Variants in ZNF620 observed in about 807,000 individuals in gnomAD.
The protein encoded by ZNF620 is zinc finger protein 620.
In ZNF620, 10 loss-of-function variants were observed where a neutral mutation model predicts 13.3. That is an observed-to-expected ratio of 0.75 (90% CI 0.46 to 1.28). ZNF620 has a LOEUF of 1.28. Among genes scored for constraint, ZNF620 ranks in the 50% most tolerant of loss-of-function variants. The pLI is 0.00. For missense variants in ZNF620, 461 were observed against 500.2 expected (o/e 0.92, Z 0.75); for synonymous variants, 166 against 177.6 (o/e 0.93, Z 0.52).
At chr3:40,513,958 G>A (rs1255880978) in intron 4 of ZNF620, among the ~76,000 whole-genome samples, 1 of 152,116 alleles carries the variant, frequency 6.6e-6, no homozygotes, top group Non-Finnish European at 1.5e-5. Flanking sequence ...CAGTGCCTGG[G>A]AGGGCACCCC....
At chr3:40,508,525 T>G in intron 2 of ZNF620, 1 of 246,492 alleles carries the variant, frequency 4.1e-6, no homozygotes, top group Non-Finnish European at 8.3e-6. Flanking sequence ...GAAAACATAC[T>G]TTGTATGACT....
chr3:40,506,163 T>G, intron 1 of ZNF620, 25 bp downstream of exon 1: 1 of 701,722 alleles, frequency 1.4e-6, no homozygotes, highest in Non-Finnish European at 2.5e-6. Context: ...TTCCTGGGGC[T>G]TGTTCTGCCT....
Position 40,516,612 on chromosome 3 carries a change from G to A in ZNF620, c.1018G>A (p.Glu340Lys). The change falls in exon 5 of 5, where the codon GAG becomes AAG. Residue 340 changes from glutamate (E) to lysine (K), a missense_variant. Glu to Lys is a moderately conservative substitution (Grantham distance 56). Transcript: ENST00000314529. ...HTGEKPYECK[E>K]CGKRLSSNTA... ...TGGGGAGAAACCTTATGAATGTAAAGAGTGTGGAAAACGATTAAGCTCCAA... is the reference window on the plus strand; with the variant it reads ...TGGGGAGAAACCTTATGAATGTAAAAAGTGTGGAAAACGATTAAGCTCCAA... The A allele has an allele frequency of 6.2e-7, 1 of 1,614,174 alleles. No individual in the cohort carries two copies. The highest frequency in any genetic ancestry group is 8.5e-7 in the Non-Finnish European group (1 of 1,179,986).
intron 4 of ZNF620, among the ~76,000 whole-genome samples, chr3:40,513,271 C>G (rs1326432397): frequency 2.1e-5 from 3 of 139,536 alleles, no homozygotes; most frequent in African/African-American, 8.2e-5. Flanking sequence ...TCAAGACCAG[C>G]TTGGCCAACA....
In ZNF620 at chr3:40,516,164, T is replaced by C. The variant is rs1698376101; in HGVS notation, c.570T>C (p.Pro190=). The change falls in exon 5 of 5, where the codon CCT becomes CCC. Residue 190 remains proline, a synonymous_variant. Coordinates refer to ENST00000314529, the MANE Select transcript of ZNF620 (RefSeq NM_175888.4). ...AACTCACTACAAATCAGACAAATCC[T>C]AGTGGTCAGATATCTTATGAATGTG... ...STQLTTNQTN[P]SGQISYECGQ... is the part of the protein sequence containing the mutation. 6.2e-7 allele frequency: 1 copy of C among 1,614,108 alleles called. No homozygotes were observed. The highest frequency in any genetic ancestry group is 2.2e-5 in the East Asian group (1 of 44,888).
At chr3:40,507,053 A>C (rs1336125635) in intron 2 of ZNF620, among the ~76,000 whole-genome samples, 1 of 147,640 alleles carries the variant, frequency 6.8e-6, no homozygotes, top group Non-Finnish European at 1.5e-5. Context: ...GGATTTTGAC[A>C]ATTGCTTTTT....
rs991128004 is a variant in ZNF620, at chr3:40,518,113, T to C, written c.*1250T>C. On this transcript the variant is annotated 3_prime_UTR_variant, in exon 5 of 5. Coordinates refer to ENST00000314529, the MANE Select transcript of ZNF620 (RefSeq NM_175888.4). ...AGCATTTTCTTGCAATTCCATCTAGTTATTTTTTATGATCATGGAAGAACC... is the reference window on the plus strand; with the variant it reads ...AGCATTTTCTTGCAATTCCATCTAGCTATTTTTTATGATCATGGAAGAACC... 4.6e-5 allele frequency: 7 copies of C among 152,376 alleles called. No individual in the cohort carries two copies. In the South Asian group the frequency reaches 1.2e-3, roughly 27 times the overall value. 9.4% of individuals were successfully genotyped at this position (152,376 alleles called of 1,614,324 possible).
In ZNF620 at chr3:40,516,770, T is replaced by A; in HGVS notation, c.1176T>A (p.Tyr392Ter). ...HQRVHTGEKP[Y>*]ECKVCGKTFS... The stretch of plus-strand genomic sequence containing the variant: ...GAGTTCACACTGGCGAGAAACCTTA[T>A]GAGTGTAAAGTGTGTGGTAAAACCT... Residue 392 changes from tyrosine to a stop codon, truncating the protein, a stop_gained, in exon 5 of 5, where the codon TAT (tyrosine) becomes TAA (stop). Transcript: ENST00000314529. LOFTEE classifies it low-confidence loss of function (END_TRUNC). 1 of 1,614,212 alleles carries A rather than the reference T, an allele frequency of 6.2e-7. No homozygotes were observed. The highest frequency in any genetic ancestry group is 8.5e-7 in the Non-Finnish European group (1 of 1,180,048).
Position 40,512,470 on chromosome 3 carries a change from C to T in ZNF620, c.220C>T (p.Pro74Ser). 1 of 1,614,184 alleles carries T rather than the reference C, an allele frequency of 6.2e-7. No individual in the cohort carries two copies. Reference sequence around the variant, plus strand: ...AGGGGAACTGCCATGGGGCCTCGATCCCTGGGAACCTATGGGCAGGGAGGC... The same window carrying T: ...AGGGGAACTGCCATGGGGCCTCGATTCCTGGGAACCTATGGGCAGGGAGGC... Reference protein sequence around the residue: ...EQGELPWGLDPWEPMGREALR... With the variant: ...EQGELPWGLDSWEPMGREALR... The change falls in exon 4 of 5, where the codon CCC (proline) becomes TCC (serine). Residue 74 changes from proline (P) to serine (S), a missense_variant. Physicochemically the swap from Pro to Ser is moderately conservative, Grantham distance 74. Transcript: ENST00000314529.
intron 4 of ZNF620, 68 bp from the exon 5 acceptor site, chr3:40,515,780 TTGTGTGTGTGTG>T (rs10550548): frequency 1.4e-3 from 1,325 of 940,488 alleles, no homozygotes; most frequent in South Asian, 8.8e-3. Flanking sequence ...AGCACAGATA[TTGTGTGTGTGTG>T]TGTGTGTGTG....
At chr3:40,513,316 A>AAAATATATATAT (rs1193351404) in intron 4 of ZNF620, among the ~76,000 whole-genome samples, 11 of 62,658 alleles carry the variant, frequency 1.8e-4, no homozygotes, top group East Asian at 1.4e-3. Context: ...AAAAAAAAAA[A>AAAATATATATAT]ATATATATAT....
At chr3:40,514,906 GT>G (rs1396868180) in intron 4 of ZNF620, among the ~76,000 whole-genome samples, 5 of 152,168 alleles carry the variant, frequency 3.3e-5, no homozygotes, top group African/African-American at 1.2e-4. Context: ...CAAGTCTTGA[GT>G]TTAAGTTGTA....
chr3:40,515,282 T>C (rs1698338311), intron 4 of ZNF620, among the ~76,000 whole-genome samples: 1 of 152,218 alleles, frequency 6.6e-6, no homozygotes, highest in Non-Finnish European at 1.5e-5. Context: ...GTGGTTGCCA[T>C]GCATGGCATC....
intron 3 of ZNF620, among the ~76,000 whole-genome samples, chr3:40,511,825 G>T: frequency 6.6e-6 from 1 of 152,044 alleles, no homozygotes; most frequent in Non-Finnish European, 1.5e-5. Flanking sequence ...GGGATTACAG[G>T]TGGGCGCCAC....
chr3:40,508,791 T>G (rs777173903), intron 2 of ZNF620: 16 of 456,440 alleles, frequency 3.5e-5, no homozygotes, highest in Middle Eastern at 6.6e-4. Context: ...ACCACTGTGC[T>G]TGGCTCTCTT....
intron 2 of ZNF620, among the ~76,000 whole-genome samples, chr3:40,506,853 A>G (rs1468748112): frequency 2.0e-5 from 3 of 152,130 alleles, no homozygotes; most frequent in African/African-American, 7.2e-5. Flanking sequence ...AATATTGAAC[A>G]GAAGTGGTGA....
intron 2 of ZNF620, among the ~76,000 whole-genome samples, chr3:40,510,758 C>G (rs536438133): frequency 6.6e-6 from 1 of 151,686 alleles, no homozygotes; most frequent in Non-Finnish European, 1.5e-5. Context: ...CTCTCTCTCT[C>G]TTTTTTTTGA....
At position 40,517,010 on chromosome 3, in the gene ZNF620, A is replaced by G. The variant is rs1283487772; in HGVS notation, c.*147A>G. The G allele has an allele frequency of 2.4e-6, 2 of 819,512 alleles. No individual in the cohort carries two copies. The highest frequency in any genetic ancestry group is 3.7e-6 in the Non-Finnish European group (2 of 543,910). The allele number at this position is 819,512 out of a possible 1,614,324, so 50.8% of individuals were successfully genotyped here. On this transcript the variant is annotated 3_prime_UTR_variant, in exon 5 of 5. Transcript: ENST00000314529. Reference sequence around the variant, plus strand: ...AGTTTTTTGAACCTGTTTCCCCAACATGAAGTCTCTTTATGGTTAGAGAAG... The same window carrying G: ...AGTTTTTTGAACCTGTTTCCCCAACGTGAAGTCTCTTTATGGTTAGAGAAG...
Position 40,515,950 on chromosome 3 carries a change from T to C in ZNF620, c.356T>C (p.Leu119Pro), listed in dbSNP as rs1274393072. Residue 119 changes from leucine (L) to proline (P), a missense_variant, in exon 5 of 5, where the codon CTG (leucine) becomes CCG (proline). By Grantham distance (98) the Leu-to-Pro change is moderately conservative (BLOSUM62 -3). Transcript: ENST00000314529. ...TESFRLMVGG[L>P]PGNVSQHLDF... ...TCCTTCAGACTGATGGTGGGGGGCC[T>C]GCCAGGGAATGTTTCCCAGCACCTT... The C allele has an allele frequency of 6.2e-7, 1 of 1,614,124 alleles. No homozygotes were observed. The highest frequency in any genetic ancestry group is 8.5e-7 in the Non-Finnish European group (1 of 1,180,006).
Sources: gnomAD v4.1 joint callset for allele counts (sites outside exome capture counted in the v4.1 genomes callset) on GRCh38, gnomAD v4.1.1 for gene constraint, MANE v1.5 for transcripts, NCBI Gene and HGNC (gene_info 2026-07-23, HGNC 2026-07-21) for gene names.